Variants in PCLO observed in about 807,000 individuals in gnomAD.
PCLO encodes piccolo presynaptic cytomatrix protein.
Under a neutral mutation model 427.5 loss-of-function variants are expected in PCLO, and 82 were observed. The ratio of observed to expected loss-of-function variants is 0.19; its 90% CI spans 0.16 to 0.23. PCLO has a LOEUF of 0.23. Among genes scored for constraint, PCLO ranks in the 10% least tolerant of loss-of-function variants. The probability of loss-of-function intolerance (pLI) is 1.00; values close to 1 mark genes in which losing one functional copy is unlikely to be tolerated. For synonymous variants in PCLO, 2,357 were observed against 2,155.4 expected, an observed-to-expected ratio of 1.09 and a Z score of -2.59; for missense variants, 6,239 against 6,115.9, an observed-to-expected ratio of 1.02 and a Z score of -0.67.
chr7:82,905,934 T>A (rs1794178426), intron 8 of PCLO, among the ~76,000 whole-genome samples: 1 of 151,730 alleles, frequency 6.6e-6, no homozygotes, highest in Non-Finnish European at 1.5e-5. Flanking sequence ...AATTAAAAAA[T>A]AAGAGATTAG....
At chr7:82,893,461 A>C (rs1032458493) in intron 9 of PCLO, among the ~76,000 whole-genome samples, 35 of 152,058 alleles carry the variant, frequency 2.3e-4, no homozygotes, top group African/African-American at 8.4e-4. Flanking sequence ...ATTAGGAGAT[A>C]CACCTAATGT....
chr7:82,951,714 ACTC>A (rs748520931), intron 5 of PCLO, 139 bp downstream of exon 5: 1 of 1,271,714 alleles, frequency 7.9e-7, no homozygotes, highest in Non-Finnish European at 1.1e-6. Flanking sequence ...GCGCACTTGT[ACTC>A]CAAAATATGC....
In PCLO at chr7:82,955,532, T is replaced by C. The variant is rs771698813; in HGVS notation, c.5421A>G (p.Ser1807=). The change falls in exon 5 of 25, where the codon TCA becomes TCG. Residue 1807 remains serine, a synonymous_variant. Coordinates refer to ENST00000333891, the MANE Select transcript of PCLO (RefSeq NM_033026.6). The part of the protein sequence containing the change: ...QQQRKSSSKK[S]KKDKDELRAQ... ...CTCGAAGTTCATCTTTGTCTTTCTT[T>C]GATTTTTTACTAGAACTCTTTCTTT... The C allele has an allele frequency of 1.4e-5, 22 of 1,613,822 alleles. No individual in the cohort carries two copies. Among genetic ancestry groups the C allele is most frequent in the Non-Finnish European group, 1.8e-5 (21 of 1,179,880 alleles).
rs1562856226 is a variant in PCLO, at chr7:82,916,310, G to A, written c.11676C>T (p.Ser3892=). The A allele has an allele frequency of 1.2e-6, 2 of 1,613,594 alleles. No homozygotes were observed. Among genetic ancestry groups the A allele is most frequent in the Non-Finnish European group, 8.5e-7 (1 of 1,179,688 alleles). ...TSPYTQYQYS[S]PALPTQAPTS... is the part of the protein sequence containing the mutation. Reference sequence around the variant, plus strand: ...TGGGTGCTTGGGTAGGAAGAGCAGGGGAAGAGTACTGGTATTGTGTGTAAG... The same window carrying A: ...TGGGTGCTTGGGTAGGAAGAGCAGGAGAAGAGTACTGGTATTGTGTGTAAG... The change falls in exon 7 of 25, where the codon TCC becomes TCT. Residue 3892 remains serine (S), a synonymous_variant. Coordinates refer to ENST00000333891, the MANE Select transcript of PCLO (RefSeq NM_033026.6).
intron 22 of PCLO, among the ~76,000 whole-genome samples, chr7:82,776,733 T>A (rs1790759140): frequency 6.6e-6 from 1 of 152,106 alleles, no homozygotes; most frequent in Admixed American, 6.5e-5. Context: ...AGGTGGAGGT[T>A]GCAGTGAGCC....
At chr7:82,932,032 C>A (rs1794851913) in intron 6 of PCLO, among the ~76,000 whole-genome samples, 1 of 152,024 alleles carries the variant, frequency 6.6e-6, no homozygotes, top group Non-Finnish European at 1.5e-5. Context: ...TTTGAGAAAG[C>A]TTATGTCTTC....
At position 82,793,149 on chromosome 7, in the gene PCLO, G is replaced by A. The variant is rs74696040; in HGVS notation, c.15007+8369C>T. ...GTCAATGCTCTTCTCTCCTGCATGA[G>A]CACCCCATTCACTGCCCACGTGCAG... On this transcript the variant is annotated intron_variant, in intron 22 of 24. Coordinates refer to ENST00000333891, the MANE Select transcript of PCLO (RefSeq NM_033026.6). Among the ~76,000 whole-genome samples, 76 of 152,100 alleles carry A rather than the reference G, an allele frequency of 5.0e-4. No individual in the cohort carries two copies. The East Asian group carries it at 0.014, about 27-fold the overall frequency.
intron 20 of PCLO, among the ~76,000 whole-genome samples, chr7:82,819,924 T>TA (rs952860879): frequency 3.9e-5 from 6 of 152,260 alleles, no homozygotes; most frequent in East Asian, 3.9e-4. Context: ...TATCCTATTT[T>TA]AAAAAAACAT....
chr7:82,908,570 C>T (rs139484428), intron 8 of PCLO, among the ~76,000 whole-genome samples: 2,069 of 152,164 alleles, frequency 0.014, 15 homozygotes, highest in Middle Eastern at 0.024. Context: ...CACCCAATTG[C>T]TTGTAAGCTC....
At chr7:83,137,719 C>A (rs919244874) in intron 2 of PCLO, among the ~76,000 whole-genome samples, 1 of 152,166 alleles carries the variant, frequency 6.6e-6, no homozygotes, top group Non-Finnish European at 1.5e-5. Flanking sequence ...AGGCATGAGC[C>A]ACCACGCCCG....
At chr7:82,941,712 A>C (rs1475925650) in intron 6 of PCLO, among the ~76,000 whole-genome samples, 2 of 152,212 alleles carry the variant, frequency 1.3e-5, no homozygotes, top group African/African-American at 2.4e-5. Flanking sequence ...GAAAGTGTCA[A>C]ACAAGTATTA....
intron 9 of PCLO, among the ~76,000 whole-genome samples, chr7:82,884,340 A>C (rs979399641): frequency 3.3e-5 from 5 of 152,126 alleles, no homozygotes; most frequent in Non-Finnish European, 7.4e-5. Flanking sequence ...AATACACAAA[A>C]ATGACACTGG....
rs764947816 is a variant in PCLO at position 82,805,756 on chromosome 7, C to A, written c.14865G>T (p.Gly4955=). 1 of 1,612,160 alleles carries A rather than the reference C, an allele frequency of 6.2e-7. No individual in the cohort carries two copies. The highest frequency in any genetic ancestry group is 2.2e-5 in the East Asian group (1 of 44,842). Residue 4955 remains glycine (G), a synonymous_variant, in exon 21 of 25, where the codon GGG becomes GGT. Coordinates refer to ENST00000333891, the MANE Select transcript of PCLO (RefSeq NM_033026.6). ...TGSSGSSFGS[G]YSVDSEGSSS... is the part of the protein sequence containing the mutation. ...TGCTTCCTTCACTGTCCACGCTATACCCACTGCCAAAGCTGCTGCCCGAGG... is the reference window on the plus strand; with the variant it reads ...TGCTTCCTTCACTGTCCACGCTATAACCACTGCCAAAGCTGCTGCCCGAGG...
At chr7:83,128,388 A>T (rs537453942) in intron 3 of PCLO, among the ~76,000 whole-genome samples, 2 of 152,156 alleles carry the variant, frequency 1.3e-5, no homozygotes, top group Non-Finnish European at 2.9e-5. Context: ...AAGTTTTTGA[A>T]ATCAAATTTG....
intron 6 of PCLO, among the ~76,000 whole-genome samples, chr7:82,927,557 C>G (rs1430825889): frequency 6.6e-6 from 1 of 152,102 alleles, no homozygotes; most frequent in Non-Finnish European, 1.5e-5. Context: ...CTCCAGGTTT[C>G]TTTACTGATG....
intron 3 of PCLO, among the ~76,000 whole-genome samples, chr7:83,050,236 A>AAAAAAAAAAAAAAAAAAAAAAAAAAAAAT (rs1789210868): frequency 1.0e-5 from 1 of 95,354 alleles, no homozygotes; most frequent in Non-Finnish European, 2.0e-5. Context: ...AAAAAAAAAA[A>AAAAAAAAAAAAAAAAAAAAAAAAAAAAAT]ACACAAGCAA....
chr7:83,161,865 C>T (rs1255825955), intron 1 of PCLO, among the ~76,000 whole-genome samples: 1 of 152,184 alleles, frequency 6.6e-6, no homozygotes, highest in South Asian at 2.1e-4. Flanking sequence ...GGTGGGGTGG[C>T]AAGAGAGGAC....
At chr7:83,160,267 T>C (rs1792400740) in intron 1 of PCLO, among the ~76,000 whole-genome samples, 1 of 152,136 alleles carries the variant, frequency 6.6e-6, no homozygotes, top group Admixed American at 6.5e-5. Flanking sequence ...TTGCTATGAG[T>C]TGGTCAAAAT....
chr7:82,791,387 T>C (rs1583978842), intron 22 of PCLO, among the ~76,000 whole-genome samples: 1 of 152,278 alleles, frequency 6.6e-6, no homozygotes, highest in East Asian at 1.9e-4. Context: ...ATTAGAGAAA[T>C]CACAATGGTG....
Sources: allele counts gnomAD v4.1 joint callset (sites outside exome capture counted in the v4.1 genomes callset), GRCh38; gene constraint gnomAD v4.1.1; transcripts MANE v1.5; gene names NCBI Gene and HGNC (gene_info 2026-07-23, HGNC 2026-07-21).